Variants in AMOTL1 observed in about 807,000 individuals in gnomAD.
AMOTL1 encodes angiomotin-like protein 1.
In AMOTL1, 45 loss-of-function variants were observed where a neutral mutation model predicts 102.9. The ratio of observed to expected loss-of-function variants is 0.44; its 90% CI spans 0.34 to 0.56. AMOTL1 has a LOEUF of 0.56. Ranked by LOEUF, AMOTL1 falls within the 20% of genes least tolerant of loss-of-function variation. AMOTL1 has a pLI of 0.01. For missense variants in AMOTL1, 1,114 were observed against 1,225.6 expected, an observed-to-expected ratio of 0.91 and a Z score of 1.36; for synonymous variants, 481 against 484.7, an observed-to-expected ratio of 0.99 and a Z score of 0.10.
chr11:94,710,467 C>T (rs140687358), intron 1 of AMOTL1, among the ~76,000 whole-genome samples: 2 of 152,268 alleles, frequency 1.3e-5, no homozygotes, highest in African/African-American at 4.8e-5. Context: ...TGCCATCTCA[C>T]AAGGTTCGTG....
intron 4 of AMOTL1, among the ~76,000 whole-genome samples, chr11:94,829,736 T>C (rs1165694507): frequency 1.3e-5 from 2 of 151,492 alleles, no homozygotes; most frequent in Non-Finnish European, 2.9e-5. Flanking sequence ...TAAATTGCCA[T>C]TAAAAGTGTA....
rs527702681 is a variant in AMOTL1, at chr11:94,869,485, A to G, written c.2764+12A>G. The G allele has an allele frequency of 5.1e-6, 8 of 1,581,088 alleles. No individual in the cohort carries two copies. In the East Asian group the frequency reaches 1.2e-4, roughly 23 times the overall value. ...CGCAGAGAAACTGGGTATGTGGGCT[A>G]CCCCACCTTGATGCCCCTGAAAACT... On this transcript the variant is annotated intron_variant, in intron 12 of 12. Transcript: ENST00000433060.
chr11:94,842,311 T>G (rs564075951), intron 6 of AMOTL1, among the ~76,000 whole-genome samples: 12 of 151,476 alleles, frequency 7.9e-5, no homozygotes, highest in Admixed American at 7.9e-4. Flanking sequence ...AGAGGTCCAG[T>G]AGGAAAAATG....
chr11:94,795,161 G>A lies in AMOTL1; in HGVS notation c.199+1G>A, dbSNP rs757170290. 8 of 1,613,234 alleles carry A rather than the reference G, an allele frequency of 5.0e-6. No homozygotes were observed. Among genetic ancestry groups the A allele is most frequent in the Non-Finnish European group, 6.8e-6 (8 of 1,179,714 alleles). On this transcript the variant is annotated splice_donor_variant, in intron 2 of 12. Coordinates refer to ENST00000433060, the MANE Select transcript of AMOTL1 (RefSeq NM_130847.3). LOFTEE classifies it high-confidence loss of function. ...ACCAGTAGCATCAGGGAAAAAGTTG[G>A]TAAGTCCTTTTACCGGCACTTGTGT...
At chr11:94,790,180 C>T (rs1366874408) in intron 1 of AMOTL1, among the ~76,000 whole-genome samples, 1 of 152,172 alleles carries the variant, frequency 6.6e-6, no homozygotes, top group Non-Finnish European at 1.5e-5. Flanking sequence ...CCAGAGAATA[C>T]CGCCATGTTC....
chr11:94,826,644 G>A (rs535853747), intron 4 of AMOTL1, among the ~76,000 whole-genome samples: 2 of 152,264 alleles, frequency 1.3e-5, no homozygotes, highest in East Asian at 3.9e-4. Context: ...GCAAAATCCA[G>A]TCTAGTCTTA....
rs369320136 is a variant in AMOTL1 at position 94,795,422 on chromosome 11, A to C, written c.199+262A>C. On this transcript the variant is annotated intron_variant, in intron 2 of 12. Coordinates refer to ENST00000433060, the MANE Select transcript of AMOTL1 (RefSeq NM_130847.3). ...TAGGAACTTCAGAATTATACCACTT[A>C]TTTTCAGTTTTTCTCTGATTCCTAA... is the stretch of plus-strand genomic sequence containing the variant. Among the ~76,000 whole-genome samples the C allele has an allele frequency of 1.4e-3, 220 of 152,098 alleles. 5 individuals are homozygous for C. The South Asian group carries it at 0.034, about 24-fold the overall frequency.
intron 1 of AMOTL1, among the ~76,000 whole-genome samples, chr11:94,715,941 A>G (rs751684174): frequency 7.9e-5 from 12 of 152,228 alleles, no homozygotes; most frequent in Non-Finnish European, 1.8e-4. Context: ...TTTTTTGAAT[A>G]CTTTTTCAGC....
Position 94,869,402 on chromosome 11 carries a change from G to T in AMOTL1, c.2693G>T (p.Arg898Leu). The change falls in exon 12 of 13, where the codon CGG becomes CTG. Residue 898 changes from arginine (R) to leucine (L), a missense_variant. Physicochemically the swap from Arg to Leu is moderately radical, Grantham distance 102. Coordinates refer to ENST00000433060, the MANE Select transcript of AMOTL1 (RefSeq NM_130847.3). ...ATGGCCTCCCTTCCCAGCCGCGGCC[G>T]GCTGAGCACGACCCCTGCTCACAGC... ...PSMASLPSRG[R>L]LSTTPAHSPV... is the part of the protein sequence containing the mutation. 6.2e-7 allele frequency: 1 copy of T among 1,604,996 alleles called. No homozygotes were observed. Among genetic ancestry groups the T allele is most frequent in the South Asian group, 1.1e-5 (1 of 89,290 alleles).
At chr11:94,795,658 G>T (rs1951353744) in intron 2 of AMOTL1, among the ~76,000 whole-genome samples, 1 of 152,148 alleles carries the variant, frequency 6.6e-6, no homozygotes, top group Non-Finnish European at 1.5e-5. Flanking sequence ...CCACTTTAGG[G>T]AAGGATGTCA....
chr11:94,801,101 GC>G (rs2135575721), intron 3 of AMOTL1, among the ~76,000 whole-genome samples: 1 of 152,324 alleles, frequency 6.6e-6, no homozygotes, highest in East Asian at 1.9e-4. Context: ...GGCCGAGGAT[GC>G]TAGGGTAACA....
chr11:94,715,057 G>T (rs1363365546), intron 1 of AMOTL1, among the ~76,000 whole-genome samples: 1 of 151,984 alleles, frequency 6.6e-6, no homozygotes, highest in Non-Finnish European at 1.5e-5. Context: ...TTCTGATGTT[G>T]TTTCTTCATT....
intron 2 of AMOTL1, among the ~76,000 whole-genome samples, chr11:94,737,226 A>G (rs1301517866): frequency 6.6e-6 from 1 of 152,236 alleles, no homozygotes; most frequent in East Asian, 1.9e-4. Flanking sequence ...CGCTCTTCAT[A>G]GGGGTAAACC....
At chr11:94,839,044 C>G (rs1210742552) in intron 6 of AMOTL1, among the ~76,000 whole-genome samples, 1 of 152,190 alleles carries the variant, frequency 6.6e-6, no homozygotes, top group African/African-American at 2.4e-5. Flanking sequence ...TGGAGAGTAC[C>G]TTAAAGGTTA....
At chr11:94,764,185 C>T (rs1950827989), upstream of AMOTL1, among the ~76,000 whole-genome samples, 6 of 152,044 alleles carry the variant, frequency 3.9e-5, no homozygotes, top group South Asian at 1.2e-3. Flanking sequence ...AGTGTGTTCA[C>T]CATCATTTTT....
chr11:94,864,538 C>G (rs1323863713), intron 9 of AMOTL1, among the ~76,000 whole-genome samples, 197 bp from the exon 10 acceptor site: 1 of 152,110 alleles, frequency 6.6e-6, no homozygotes, highest in African/African-American at 2.4e-5. Flanking sequence ...GCATTTACAC[C>G]TTTCTCTGTA....
At chr11:94,732,853 G>A (rs536329905) in intron 2 of AMOTL1, among the ~76,000 whole-genome samples, 41 of 152,290 alleles carry the variant, frequency 2.7e-4, no homozygotes, top group African/African-American at 7.7e-4. Flanking sequence ...GGCCAGGTGC[G>A]TCATAGAAAT....
At chr11:94,768,697 G>A in intron 1 of AMOTL1, 137 bp downstream of exon 1, 1 of 1,334,880 alleles carries the variant, frequency 7.5e-7, no homozygotes, top group South Asian at 1.4e-5. Context: ...TGAGATCCCA[G>A]ATTGTTGTTT....
exon 1 of AMOTL1, chr11:94,706,503 T>C (rs1949932217): frequency 1.3e-5 from 2 of 152,232 alleles, no homozygotes; most frequent in South Asian, 4.1e-4. Context: ...GTCACCTTTC[T>C]TCTTTTAAAA....
Sources: allele counts gnomAD v4.1 joint callset (sites outside exome capture counted in the v4.1 genomes callset), GRCh38; gene constraint gnomAD v4.1.1; transcripts MANE v1.5; gene names NCBI Gene and HGNC (gene_info 2026-07-23, HGNC 2026-07-21).